The following TRIM66 variants were observed in gnomAD, a reference collection of about 807,000 sequenced individuals.
The protein encoded by TRIM66 is tripartite motif-containing protein 66.
TRIM66 carries 99 observed loss-of-function variants against 148.2 expected under a neutral mutation model. That is an observed-to-expected ratio of 0.67 (90% CI 0.57 to 0.79). The LOEUF is 0.79. Among genes scored for constraint, TRIM66 ranks in the 30% least tolerant of loss-of-function variants. TRIM66 has a pLI of 0.00. For synonymous variants in TRIM66, 616 were observed against 635.9 expected (o/e 0.97, Z 0.47); for missense variants, 1,666 against 1,697.9 (o/e 0.98, Z 0.33).
chr11:8,646,002 C>T (rs1009598382), intron 11 of TRIM66, 115 bp from the exon 12 acceptor site: 2 of 1,017,516 alleles, frequency 2.0e-6, no homozygotes, highest in South Asian at 3.2e-5. Flanking sequence ...GACTACACCC[C>T]TGAGAGGACA....
intron 4 of TRIM66, 97 bp from the exon 5 acceptor site, chr11:8,672,482 T>C (rs1592209229): frequency 1.5e-6 from 2 of 1,311,012 alleles, no homozygotes; most frequent in East Asian, 2.6e-5. Flanking sequence ...TGAGACACTT[T>C]TACAAATTAA....
chr11:8,682,896 C>T, upstream of TRIM66: 2 of 1,506,734 alleles, frequency 1.3e-6, no homozygotes, highest in African/African-American at 1.4e-5. Context: ...TAGTCATCCA[C>T]TCCCTACCAT....
intron 13 of TRIM66, among the ~76,000 whole-genome samples, chr11:8,642,753 C>T (rs2036506078): frequency 7.2e-6 from 1 of 138,936 alleles, no homozygotes; most frequent in Non-Finnish European, 1.5e-5. Flanking sequence ...GACATTTACA[C>T]AGAATGGTAA....
chr11:8,640,280 T>C lies in TRIM66; in HGVS notation c.2095A>G (p.Ile699Val), dbSNP rs1592095449. The C allele has an allele frequency of 6.4e-7, 1 of 1,550,742 alleles. No homozygotes were observed. The highest frequency in any genetic ancestry group is 8.7e-7 in the Non-Finnish European group (1 of 1,146,524). The change falls in exon 14 of 25, where the codon ATC becomes GTC. Residue 699 changes from isoleucine (I) to valine (V), a missense_variant. Ile to Val is a conservative substitution (Grantham distance 29). This residue lies in a region of TRIM66 where 1,431 missense variants were observed against 1,412.4 expected (regional missense o/e 1.01). Transcript: ENST00000646038. ...TGGACAGGTGCTGGCTGCCTCACGA[T>C]GTAGTTGATCTGCCCCACAATGGTT... ...QQTIVGQINY[I>V]VRQPAPVQSQ...
chr11:8,629,061 A>T lies in TRIM66; in HGVS notation c.2311-3833T>A, dbSNP rs115251245. ...AGACAAGAAGGGTTGAAGAGAAGCA[A>T]GGTGGAAAGAATATTTAAACCAAAT... On this transcript the variant is annotated intron_variant, in intron 15 of 24. Transcript: ENST00000646038. Among the ~76,000 whole-genome samples, 1,291 of 152,312 alleles carry T rather than the reference A, an allele frequency of 8.5e-3. 26 individuals carry two copies. The highest frequency in any genetic ancestry group is 0.03 in the African/African-American group (1,244 of 41,572).
At chr11:8,671,750 T>C (rs188971464) in intron 6 of TRIM66, 36 bp downstream of exon 6, 25 of 899,062 alleles carry the variant, frequency 2.8e-5, no homozygotes, top group Non-Finnish European at 4.1e-5. Flanking sequence ...ACCTGTTATG[T>C]AGTGGGAGGT....
chr11:8,643,757 G>C (rs2036607693), intron 12 of TRIM66, among the ~76,000 whole-genome samples: 1 of 152,124 alleles, frequency 6.6e-6, no homozygotes, highest in African/African-American at 2.4e-5. Context: ...AAAGCCTAGT[G>C]GGGGCAGGCA....
At chr11:8,665,816 G>A (rs1393999220) in intron 6 of TRIM66, among the ~76,000 whole-genome samples, 1 of 152,046 alleles carries the variant, frequency 6.6e-6, no homozygotes, top group Non-Finnish European at 1.5e-5. Flanking sequence ...GGGCGTGGTG[G>A]TGGGCGCCTG....
chr11:8,657,016 C>T (rs567310216), intron 6 of TRIM66, among the ~76,000 whole-genome samples: 28 of 152,316 alleles, frequency 1.8e-4, no homozygotes, highest in African/African-American at 6.3e-4. Flanking sequence ...ACTACCAAGA[C>T]CGCTGCTGGG....
chr11:8,676,152 A>C (rs774119204), intron 3 of TRIM66, among the ~76,000 whole-genome samples: 2 of 152,234 alleles, frequency 1.3e-5, no homozygotes, highest in Non-Finnish European at 1.5e-5. Flanking sequence ...GAAATCTAAA[A>C]AAGTACTTAA....
intron 14 of TRIM66, among the ~76,000 whole-genome samples, chr11:8,639,281 G>T (rs1477295431): frequency 6.6e-6 from 1 of 152,184 alleles, no homozygotes; most frequent in Non-Finnish European, 1.5e-5. Flanking sequence ...CTGCTTTGAA[G>T]ATATAACTGT....
intron 6 of TRIM66, chr11:8,663,173 C>G (rs1478035011): frequency 6.6e-6 from 1 of 152,250 alleles, no homozygotes; most frequent in African/African-American, 2.4e-5. Context: ...TCTTGCCCAG[C>G]TGGTCTCCTC....
rs1327910345 is a variant in TRIM66, at chr11:8,672,377, A to C, written c.-103T>G. 2.7e-6 allele frequency: 4 copies of C among 1,502,116 alleles called. No homozygotes were observed. Among genetic ancestry groups the C allele is most frequent in the Non-Finnish European group, 3.5e-6 (4 of 1,133,684 alleles). The allele number at this position is 1,502,116 out of a possible 1,614,324, so 93.0% of individuals were successfully genotyped here. A position where few individuals can be genotyped will look rare whatever the true frequency, so the allele number is the denominator to read the frequency against. ...CCTGTGCCTCTCCTTATTGGTAGAC[A>C]AGCTTGACCTAAGTTTCAATTTTGG... On this transcript the variant is annotated 5_prime_UTR_variant, in exon 5 of 25. Coordinates refer to ENST00000646038, the MANE Select transcript of TRIM66 (RefSeq NM_001388022.1).
intron 21 of TRIM66, 147 bp downstream of exon 21, chr11:8,620,299 C>G: frequency 7.2e-7 from 1 of 1,383,150 alleles, no homozygotes. Context: ...GGAAAATTAT[C>G]CAAACACCCC....
intron 3 of TRIM66, among the ~76,000 whole-genome samples, chr11:8,675,398 T>A (rs2039128588): frequency 6.6e-6 from 1 of 152,248 alleles, no homozygotes; most frequent in Non-Finnish European, 1.5e-5. Flanking sequence ...TTATTCTTTT[T>A]TTAGATGCAG....
chr11:8,641,764 G>C (rs925483867), intron 13 of TRIM66, among the ~76,000 whole-genome samples: 7 of 152,144 alleles, frequency 4.6e-5, no homozygotes, highest in Non-Finnish European at 7.3e-5. Flanking sequence ...TCCCTCATGA[G>C]TGGTTTAGCA....
rs2133496599 is a variant in TRIM66, at chr11:8,671,855, T to C, written c.271A>G (p.Lys91Glu). ...HLLSCQHLLR[K>E]DCFQGLIQEL... The stretch of plus-strand genomic sequence containing the variant: ...TGTATCAAGCCCTGGAAGCAGTCCT[T>C]ACGGAGCAAATGCTGGCAGGATAGG... Residue 91 changes from lysine to glutamate, a missense_variant, in exon 6 of 25, where the codon AAG becomes GAG. Transcript: ENST00000646038. The C allele has an allele frequency of 3.9e-6, 6 of 1,535,398 alleles. No individual in the cohort carries two copies. Among genetic ancestry groups the C allele is most frequent in the Non-Finnish European group, 5.2e-6 (6 of 1,146,250 alleles).
intron 15 of TRIM66, 101 bp downstream of exon 15, chr11:8,638,553 A>G: frequency 2.3e-6 from 3 of 1,324,558 alleles, no homozygotes; most frequent in Admixed American, 2.6e-5. Context: ...GGGATGGAAC[A>G]GGGACGCTCC....
chr11:8,626,244 T>C (rs1468790187), intron 15 of TRIM66, among the ~76,000 whole-genome samples: 4 of 152,096 alleles, frequency 2.6e-5, no homozygotes, highest in Admixed American at 1.3e-4. Flanking sequence ...AAAGACTAAA[T>C]ATATAACAAT....
Sources: gnomAD v4.1 joint callset for allele counts (sites outside exome capture counted in the v4.1 genomes callset) on GRCh38, gnomAD v4.1.1 for gene constraint, gnomAD v4.1.1 regional missense constraint, MANE v1.5 for transcripts, NCBI Gene and HGNC (gene_info 2026-07-23, HGNC 2026-07-21) for gene names.